BAG1: variants seen among roughly 807,000 people sequenced by gnomAD.
BAG1 encodes the protein BAG family molecular chaperone regulator 1.
In BAG1, 35 loss-of-function variants were observed where a neutral mutation model predicts 35.5. The observed-to-expected ratio is 0.99, with a 90% confidence interval of 0.75 to 1.31. The LOEUF (loss-of-function observed/expected upper bound fraction) is 1.31, where lower values mean the gene tolerates loss of function less well. Ranked by LOEUF, BAG1 falls within the 50% of genes most tolerant of loss-of-function variation. The probability of loss-of-function intolerance (pLI) is 0.00; values close to 1 mark genes in which losing one functional copy is unlikely to be tolerated. For missense variants in BAG1, 464 were observed against 453.6 expected (o/e 1.02, Z -0.21); for synonymous variants, 191 against 178.9 (o/e 1.07, Z -0.54).
intron 2 of BAG1, among the ~76,000 whole-genome samples, chr9:33,261,433 G>T (rs1225172296): frequency 1.3e-5 from 2 of 152,080 alleles, no homozygotes; most frequent in Admixed American, 1.3e-4. Flanking sequence ...AAATATTCAG[G>T]AATCAGGGAC....
chr9:33,258,838 CA>C, intron 4 of BAG1, 81 bp downstream of exon 4: 2 of 1,158,896 alleles, frequency 1.7e-6, no homozygotes, highest in Non-Finnish European at 2.6e-6. Flanking sequence ...AGTCTGACTG[CA>C]GAACATGTCC....
In BAG1 at chr9:33,259,051, A is replaced by C; in HGVS notation, c.664-18T>G. The C allele has an allele frequency of 6.2e-7, 1 of 1,603,392 alleles. No individual in the cohort carries two copies. Among genetic ancestry groups the C allele is most frequent in the South Asian group, 1.1e-5 (1 of 90,806 alleles). ...GGACTGTTCTAAAATGTTTAAGAAGAAAATAAAGCCAATAGTCAAAAAGAA... is the reference window on the plus strand; with the variant it reads ...GGACTGTTCTAAAATGTTTAAGAAGCAAATAAAGCCAATAGTCAAAAAGAA... On this transcript the variant is annotated intron_variant, in intron 3 of 6. Transcript: ENST00000634734.
At chr9:33,255,437 G>A in intron 6 of BAG1, 129 bp from the exon 7 acceptor site, 1 of 1,450,824 alleles carries the variant, frequency 6.9e-7, no homozygotes, top group Non-Finnish European at 9.4e-7. Context: ...CATGAATGGA[G>A]ATGGGCCACT....
intron 6 of BAG1, 124 bp downstream of exon 6, chr9:33,255,737 TGATA>T: frequency 1.0e-6 from 1 of 987,746 alleles, no homozygotes; most frequent in Non-Finnish European, 1.5e-6. Flanking sequence ...GGGTTCCTGC[TGATA>T]AATATAACCA....
rs538054024 is a variant in BAG1 at position 33,264,661 on chromosome 9, C to T, written c.14G>A (p.Gly5Glu). 2.2e-5 allele frequency: 30 copies of T among 1,347,016 alleles called. No homozygotes were observed. In the Admixed American group the frequency reaches 3.2e-4, roughly 14 times the overall value. The allele number at this position is 1,347,016 out of a possible 1,614,324, so 83.4% of individuals were successfully genotyped here. A position where few individuals can be genotyped will look rare whatever the true frequency, so the allele number is the denominator to read the frequency against. Residue 5 changes from glycine to glutamate, a missense_variant, in exon 1 of 7, where the codon GGG (glycine) becomes GAG (glutamate). Transcript: ENST00000634734. ...GTCGCCTCGCGGTCTCCGCGCCCCC[C>T]CGCGCTGAGCCAGGCCCGCACTTGT...
At chr9:33,255,993 GA>G in intron 5 of BAG1, 66 bp from the exon 6 acceptor site, 1 of 1,456,274 alleles carries the variant, frequency 6.9e-7, no homozygotes. Context: ...AATCCTCAGT[GA>G]AAATGACATG....
intron 5 of BAG1, 67 bp downstream of exon 5, chr9:33,256,734 G>C: frequency 7.5e-7 from 1 of 1,328,232 alleles, no homozygotes; most frequent in East Asian, 2.3e-5. Context: ...GTAAATTACT[G>C]AAAGAGTGAA....
At position 33,264,655 on chromosome 9, in the gene BAG1, GCC is replaced by G. The variant is rs1292940756; in HGVS notation, c.18_19del (p.Arg8GlufsTer49). 2.2e-6 allele frequency: 3 copies of G among 1,341,648 alleles called. No individual in the cohort carries two copies. Among genetic ancestry groups the G allele is most frequent in the Non-Finnish European group, 2.8e-6 (3 of 1,055,020 alleles). 83.1% of individuals were successfully genotyped at this position (1,341,648 alleles called of 1,614,324 possible). A position where few individuals can be genotyped will look rare whatever the true frequency, so the allele number is the denominator to read the frequency against. Reference sequence around the variant, plus strand: ...CTCCCGGTCGCCTCGCGGTCTCCGCGCCCCCCCGCGCTGAGCCAGGCCCGCAC... The same window carrying G: ...CTCCCGGTCGCCTCGCGGTCTCCGCGCCCCCGCGCTGAGCCAGGCCCGCAC... On this transcript the variant is annotated frameshift_variant, in exon 1 of 7. Coordinates refer to ENST00000634734, the MANE Select transcript of BAG1 (RefSeq NM_004323.6). LOFTEE classifies it high-confidence loss of function.
In BAG1 at chr9:33,252,818, T is replaced by C. The variant is rs1820365526; in HGVS notation, c.*2401A>G. 1 of 151,874 alleles carries C rather than the reference T, an allele frequency of 6.6e-6. No individual in the cohort carries two copies. The allele number at this position is 151,874 out of a possible 1,614,324, so 9.4% of individuals were successfully genotyped here. On this transcript the variant is annotated 3_prime_UTR_variant, in exon 7 of 7. Transcript: ENST00000634734. ...GTGAGGGTTCTCCATGCAAGAGACA[T>C]GTGAGTTGAATTCTGAAGGATGAAC...
chr9:33,256,999 C>T, intron 4 of BAG1, 91 bp from the exon 5 acceptor site: 1 of 934,726 alleles, frequency 1.1e-6, no homozygotes. Flanking sequence ...ACACTGAGCC[C>T]ACCATAGCCC....
intron 6 of BAG1, 123 bp downstream of exon 6, chr9:33,255,742 A>C: frequency 8.6e-6 from 9 of 1,051,922 alleles, no homozygotes; most frequent in South Asian, 2.8e-5. Context: ...CCTGCTGATA[A>C]ATATAACCAA....
At chr9:33,262,596 G>A (rs1043683121) in intron 2 of BAG1, 106 bp downstream of exon 2, 11 of 1,179,686 alleles carry the variant, frequency 9.3e-6, no homozygotes, top group Non-Finnish European at 1.3e-5. Context: ...GGCGGAGGTT[G>A]CAGTGAGCCT....
chr9:33,264,687 T>A lies in BAG1; in HGVS notation c.-13A>T, dbSNP rs114257435. The A allele has an allele frequency of 4.3e-3, 5,884 of 1,358,112 alleles. 241 individuals are homozygous for A. In the African/African-American group the frequency reaches 0.081, roughly 19 times the overall value. The allele number at this position is 1,358,112 out of a possible 1,614,324, so 84.1% of individuals were successfully genotyped here. ...CGCGCTGAGCCAGGCCCGCACTTGTTGACCGCCCAGCGATGGAAGCTGAGC... is the reference window on the plus strand; with the variant it reads ...CGCGCTGAGCCAGGCCCGCACTTGTAGACCGCCCAGCGATGGAAGCTGAGC... On this transcript the variant is annotated 5_prime_UTR_variant, in exon 1 of 7. Coordinates refer to ENST00000634734, the MANE Select transcript of BAG1 (RefSeq NM_004323.6).
At position 33,264,624 on chromosome 9, in the gene BAG1, C is replaced by T; in HGVS notation, c.51G>A (p.Leu17=). Reference sequence around the variant, plus strand: ...GCCGAAGGGCGCGCAGCCGGGAACCCAGCCGCTCCCGGTCGCCTCGCGGTC... The same window carrying T: ...GCCGAAGGGCGCGCAGCCGGGAACCTAGCCGCTCCCGGTCGCCTCGCGGTC... Residue 17 remains leucine (L), a synonymous_variant, in exon 1 of 7, where the codon CTG becomes CTA. Coordinates refer to ENST00000634734, the MANE Select transcript of BAG1 (RefSeq NM_004323.6). The T allele has an allele frequency of 1.5e-6, 2 of 1,354,022 alleles. No homozygotes were observed. Among genetic ancestry groups the T allele is most frequent in the African/African-American group, 1.5e-5 (1 of 65,018 alleles). The allele number at this position is 1,354,022 out of a possible 1,614,324, so 83.9% of individuals were successfully genotyped here. A position where few individuals can be genotyped will look rare whatever the true frequency, so the allele number is the denominator to read the frequency against.
rs1055629649 is a variant in BAG1, at chr9:33,252,738, T to C, written c.*2481A>G. ...ATGTAAATGCTGTGAAAGAAATGTATGGGAAGTCGAGAGAGGATCCCACCT... is the reference window on the plus strand; with the variant it reads ...ATGTAAATGCTGTGAAAGAAATGTACGGGAAGTCGAGAGAGGATCCCACCT... On this transcript the variant is annotated 3_prime_UTR_variant, in exon 7 of 7. Coordinates refer to ENST00000634734, the MANE Select transcript of BAG1 (RefSeq NM_004323.6). The C allele has an allele frequency of 3.3e-5, 5 of 152,018 alleles. No homozygotes were observed. Among genetic ancestry groups the C allele is most frequent in the African/African-American group, 9.7e-5 (4 of 41,354 alleles). The allele number at this position is 152,018 out of a possible 1,614,324, so 9.4% of individuals were successfully genotyped here.
chr9:33,254,844 A>C lies in BAG1; in HGVS notation c.*375T>G. The C allele has an allele frequency of 2.5e-6, 1 of 398,180 alleles. No homozygotes were observed. The highest frequency in any genetic ancestry group is 2.1e-5 in the South Asian group (1 of 46,814). The allele number at this position is 398,180 out of a possible 1,614,324, so 24.7% of individuals were successfully genotyped here. A position where few individuals can be genotyped will look rare whatever the true frequency, so the allele number is the denominator to read the frequency against. On this transcript the variant is annotated 3_prime_UTR_variant, in exon 7 of 7. Transcript: ENST00000634734. ...GGACTACACGATCACAAGAGCAAAG[A>C]AGCCCTCATGTATCTGAAGACTGAG...
chr9:33,262,957 C>T, intron 1 of BAG1, 127 bp from the exon 2 acceptor site: 1 of 1,337,578 alleles, frequency 7.5e-7, no homozygotes, highest in Non-Finnish European at 1.0e-6. Context: ...TCCACAGAGC[C>T]TGCCCCCATG....
rs1384775998 is a variant in BAG1 at position 33,256,859 on chromosome 9, C to T, written c.827G>A (p.Arg276Lys). The T allele has an allele frequency of 6.2e-7, 1 of 1,614,094 alleles. No individual in the cohort carries two copies. The highest frequency in any genetic ancestry group is 1.3e-5 in the African/African-American group (1 of 74,930). The change falls in exon 5 of 7, where the codon AGG becomes AAG. Residue 276 changes from arginine (R) to lysine (K), a missense_variant. Physicochemically the swap from Arg to Lys is conservative, Grantham distance 26. Coordinates refer to ENST00000634734, the MANE Select transcript of BAG1 (RefSeq NM_004323.6). ...CTGCTCTATTGTGGCTTTTACTCTC[C>T]TATCAAGTTTGCAGAGAGCTTCAGC...
chr9:33,264,305 G>C lies in BAG1; in HGVS notation c.370C>G (p.Arg124Gly). ...TCGCTCCGGGTCGACTCCTCGTCCC[G>C]GGTCACCTCCTGGCTCCGATTCATC... is the stretch of plus-strand genomic sequence containing the variant. Residue 124 changes from arginine to glycine, a missense_variant, in exon 1 of 7, where the codon CGG becomes GGG. Physicochemically the swap from Arg to Gly is moderately radical, Grantham distance 125. Coordinates refer to ENST00000634734, the MANE Select transcript of BAG1 (RefSeq NM_004323.6). The C allele has an allele frequency of 1.2e-6, 2 of 1,613,466 alleles. No homozygotes were observed. Among genetic ancestry groups the C allele is most frequent in the Non-Finnish European group, 8.5e-7 (1 of 1,179,854 alleles).
Sources: gnomAD v4.1 joint callset for allele counts (sites outside exome capture counted in the v4.1 genomes callset) on GRCh38, gnomAD v4.1.1 for gene constraint, MANE v1.5 for transcripts, NCBI Gene and HGNC (gene_info 2026-07-23, HGNC 2026-07-21) for gene names.